DCHS2: variants seen among roughly 807,000 people sequenced by gnomAD.
DCHS2 encodes the protein protocadherin-23.
A neutral mutation model predicts 182.4 loss-of-function variants in DCHS2; 142 were observed. The observed-to-expected ratio is 0.78, with a 90% CI of 0.68 to 0.89. The LOEUF (loss-of-function observed/expected upper bound fraction) is 0.89, where lower values mean the gene tolerates loss of function less well. Among genes scored for constraint, DCHS2 ranks in the 40% least tolerant of loss-of-function variants. The pLI, the probability that DCHS2 is intolerant of heterozygous loss-of-function variation, is 0.00. For synonymous variants in DCHS2, 1,740 were observed against 1,663.3 expected (o/e 1.05, Z -1.12); for missense variants, 4,319 against 4,198.6 (o/e 1.03, Z -0.79).
At chr4:154,271,031 G>A (rs1283930637) in intron 13 of DCHS2, among the ~76,000 whole-genome samples, 1 of 152,078 alleles carries the variant, frequency 6.6e-6, no homozygotes, top group Non-Finnish European at 1.5e-5. Context: ...CAAAAGAGAA[G>A]GAAGTCATTT....
At chr4:154,389,913 G>T (rs1205183516) in intron 1 of DCHS2, among the ~76,000 whole-genome samples, 1 of 151,970 alleles carries the variant, frequency 6.6e-6, no homozygotes, top group African/African-American at 2.4e-5. Flanking sequence ...GGCCTTGTCT[G>T]CCCTCACAGG....
chr4:154,240,953 A>G (rs528267057), intron 17 of DCHS2, 130 bp from the exon 18 acceptor site: 2 of 1,392,296 alleles, frequency 1.4e-6, no homozygotes, highest in East Asian at 2.5e-5. Context: ...TTGATTTCTC[A>G]TACAAAGCTC....
intron 12 of DCHS2, among the ~76,000 whole-genome samples, chr4:154,299,482 A>G (rs1735115429): frequency 6.6e-6 from 1 of 152,222 alleles, no homozygotes; most frequent in African/African-American, 2.4e-5. Context: ...TATGCTTGCC[A>G]GCCATATTCT....
intron 1 of DCHS2, among the ~76,000 whole-genome samples, chr4:154,408,864 A>G (rs1356790000): frequency 6.6e-6 from 1 of 152,154 alleles, no homozygotes. Flanking sequence ...CACTTTTGAC[A>G]CCTACAGACC....
chr4:154,254,423 A>T (rs182445080), intron 16 of DCHS2, among the ~76,000 whole-genome samples: 245 of 152,376 alleles, frequency 1.6e-3, no homozygotes, highest in African/African-American at 5.6e-3. Context: ...CCTCATCGGC[A>T]CATAGAGTTA....
At chr4:154,486,664 T>A (rs1338698814) in intron 1 of DCHS2, 2 of 633,490 alleles carry the variant, frequency 3.2e-6, no homozygotes, top group East Asian at 1.4e-4. Flanking sequence ...TTTTGCAAAG[T>A]GGTATAAAGA....
intron 1 of DCHS2, among the ~76,000 whole-genome samples, chr4:154,479,658 C>G (rs1002879617): frequency 3.3e-5 from 5 of 152,142 alleles, no homozygotes; most frequent in African/African-American, 4.8e-5. Context: ...CTTTTAAAAT[C>G]TACTAAGAAT....
At chr4:154,357,188 T>A in intron 3 of DCHS2, 1 of 1,471,266 alleles carries the variant, frequency 6.8e-7, no homozygotes, top group Non-Finnish European at 9.5e-7. Flanking sequence ...TGCTTCTGAC[T>A]CTGGCTTTTT....
At chr4:154,268,653 A>G (rs2111199307) in intron 14 of DCHS2, among the ~76,000 whole-genome samples, 1 of 152,286 alleles carries the variant, frequency 6.6e-6, no homozygotes, top group South Asian at 2.1e-4. Flanking sequence ...ATTTCCAGAG[A>G]TGGGTGGCAT....
intron 3 of DCHS2, chr4:154,352,368 C>G (rs1030902961): frequency 1.3e-5 from 2 of 152,030 alleles, no homozygotes; most frequent in Non-Finnish European, 2.9e-5. Flanking sequence ...AGTAGCCACC[C>G]CCTCTAATCG....
intron 3 of DCHS2, among the ~76,000 whole-genome samples, chr4:154,355,992 A>T (rs1729842150): frequency 1.3e-5 from 2 of 152,102 alleles, no homozygotes; most frequent in African/African-American, 4.8e-5. Flanking sequence ...TTTTCTACTG[A>T]TTGAAAAAAG....
chr4:154,409,576 T>C (rs1327177128), intron 1 of DCHS2, among the ~76,000 whole-genome samples: 1 of 152,010 alleles, frequency 6.6e-6, no homozygotes, highest in Non-Finnish European at 1.5e-5. Context: ...ACGTTGTGGG[T>C]AATCTTCATC....
chr4:154,334,762 C>T (rs1728707227), intron 4 of DCHS2, 106 bp downstream of exon 4: 2 of 878,764 alleles, frequency 2.3e-6, no homozygotes, highest in South Asian at 1.6e-5. Context: ...CTTGTTTTGA[C>T]TTGCGTGGAA....
At chr4:154,439,461 A>T (rs1733910675) in intron 1 of DCHS2, among the ~76,000 whole-genome samples, 2 of 152,184 alleles carry the variant, frequency 1.3e-5, no homozygotes, top group Non-Finnish European at 2.9e-5. Context: ...AGTTAATATT[A>T]CACTGAAGAA....
chr4:154,272,714 A>G (rs1472330996), intron 13 of DCHS2, among the ~76,000 whole-genome samples: 2 of 152,150 alleles, frequency 1.3e-5, no homozygotes, highest in Non-Finnish European at 2.9e-5. Context: ...TAAGTTACCC[A>G]GTCACAGGTA....
chr4:154,476,110 C>T (rs1320483644), intron 1 of DCHS2, among the ~76,000 whole-genome samples: 1 of 152,190 alleles, frequency 6.6e-6, no homozygotes, highest in African/African-American at 2.4e-5. Context: ...AACTAGAGAA[C>T]AGAATAAACT....
chr4:154,366,382 A>G lies in DCHS2; in HGVS notation c.2304T>C (p.His768=). ...CATAGGTTGATGGGTTAAACACAGG[A>G]TGATTATCATTCACGTCCTCCAGGT... ...RVDLEDVNDN[H]PVFNPSTYVT... The change falls in exon 3 of 20, where the codon CAT becomes CAC. Residue 768 remains histidine (H), a synonymous_variant. Transcript: ENST00000357232. 2 of 1,613,950 alleles carry G rather than the reference A, an allele frequency of 1.2e-6. No homozygotes were observed. Among genetic ancestry groups the G allele is most frequent in the African/African-American group, 1.3e-5 (1 of 75,010 alleles).
chr4:154,284,684 T>C (rs1734307434), intron 13 of DCHS2: 1 of 152,254 alleles, frequency 6.6e-6, no homozygotes, highest in South Asian at 2.1e-4. Context: ...CCAGCTCCCA[T>C]GGAGGGAACA....
At chr4:154,331,855 G>A (rs1337509469) in intron 5 of DCHS2, 18 of 816,952 alleles carry the variant, frequency 2.2e-5, no homozygotes, top group Admixed American at 1.1e-4. Flanking sequence ...TAAACTCCCC[G>A]TAAACTTATA....
Sources: gnomAD v4.1 joint callset for allele counts (sites outside exome capture counted in the v4.1 genomes callset) on GRCh38, gnomAD v4.1.1 for gene constraint, MANE v1.5 for transcripts, NCBI Gene and HGNC (gene_info 2026-07-23, HGNC 2026-07-21) for gene names.